The following CPNE8 variants were observed in gnomAD, a reference collection of about 807,000 sequenced individuals.
The protein encoded by CPNE8 is copine-8.
In CPNE8, 45 loss-of-function variants were observed where a neutral mutation model predicts 81.5. The ratio of observed to expected loss-of-function variants is 0.55; its 90% CI spans 0.44 to 0.71. The LOEUF is 0.71. CPNE8 is among the 30% of genes least tolerant of loss of function. The probability of loss-of-function intolerance (pLI) is 0.00; values close to 1 mark genes in which losing one functional copy is unlikely to be tolerated. For synonymous variants in CPNE8, 252 were observed against 226.3 expected (o/e 1.11, Z -1.02); for missense variants, 594 against 672.1 (o/e 0.88, Z 1.28).
chr12:38,748,160 G>C (rs1025207787), intron 10 of CPNE8, among the ~76,000 whole-genome samples: 3 of 151,946 alleles, frequency 2.0e-5, no homozygotes, highest in African/African-American at 7.3e-5. Flanking sequence ...ACAGGCATGA[G>C]CCACCACGCC....
intron 5 of CPNE8, among the ~76,000 whole-genome samples, chr12:38,836,707 GACA>G (rs1464392526): frequency 2.6e-5 from 4 of 152,160 alleles, no homozygotes; most frequent in Non-Finnish European, 4.4e-5. Flanking sequence ...TTGGCAGGTA[GACA>G]ACAACAGTCT....
chr12:38,658,628 A>AG (rs1323483574), intron 19 of CPNE8, among the ~76,000 whole-genome samples: 4 of 152,194 alleles, frequency 2.6e-5, no homozygotes, highest in African/African-American at 4.8e-5. Context: ...TGAAGGAAAA[A>AG]ATATTAAGGG....
At chr12:38,808,533 C>A (rs11169616) in intron 6 of CPNE8, among the ~76,000 whole-genome samples, 49,469 of 143,522 alleles carry the variant, frequency 0.34, 9,695 homozygotes, top group Middle Eastern at 0.46. Flanking sequence ...TATTCTCACT[C>A]ATAGTTGGGA....
At chr12:38,719,584 GAAAAAAA>G (rs34008352) in intron 13 of CPNE8, among the ~76,000 whole-genome samples, 2 of 124,192 alleles carry the variant, frequency 1.6e-5, no homozygotes, top group African/African-American at 6.2e-5. Context: ...ATTGTCTCAG[GAAAAAAA>G]AAAAAAAAAA....
chr12:38,694,878 A>G (rs937906535), intron 14 of CPNE8, among the ~76,000 whole-genome samples: 4 of 152,202 alleles, frequency 2.6e-5, no homozygotes, highest in Non-Finnish European at 5.9e-5. Context: ...AAGTAACAAA[A>G]AGCACTTGAG....
chr12:38,696,843 C>T (rs9988978), intron 14 of CPNE8, among the ~76,000 whole-genome samples: 14,938 of 152,036 alleles, frequency 0.098, 2,436 homozygotes, highest in African/African-American at 0.34. Flanking sequence ...CTCAGGAATT[C>T]GAGACCAGCC....
intron 3 of CPNE8, among the ~76,000 whole-genome samples, chr12:38,855,692 A>T (rs2137070597): frequency 6.6e-6 from 1 of 152,286 alleles, no homozygotes; most frequent in South Asian, 2.1e-4. Context: ...TGCACTGTAT[A>T]TTTCAAAATT....
chr12:38,706,734 A>G (rs826893), intron 13 of CPNE8, among the ~76,000 whole-genome samples: 66,460 of 151,918 alleles, frequency 0.44, 16,025 homozygotes, highest in Middle Eastern at 0.6. Context: ...TCTTGATTCA[A>G]CTCTCTCTTG....
intron 6 of CPNE8, among the ~76,000 whole-genome samples, chr12:38,797,796 T>G (rs1254531007): frequency 6.6e-6 from 1 of 151,926 alleles, no homozygotes; most frequent in African/African-American, 2.4e-5. Context: ...AGTTAAAAAC[T>G]TTGAAAAAAA....
At chr12:38,807,301 C>A (rs1306370676) in intron 6 of CPNE8, among the ~76,000 whole-genome samples, 15 of 147,304 alleles carry the variant, frequency 1.0e-4, no homozygotes, top group African/African-American at 3.7e-4. Context: ...CAAGTCAATC[C>A]TAAGCCAAAA....
At chr12:38,678,984 T>C (rs1179457804) in intron 16 of CPNE8, among the ~76,000 whole-genome samples, 1 of 151,930 alleles carries the variant, frequency 6.6e-6, no homozygotes, top group African/African-American at 2.4e-5. Flanking sequence ...TTAACTTTTT[T>C]TGTTTTAAAG....
chr12:38,749,970 AACCACTCCC>A (rs1941316804), intron 10 of CPNE8, among the ~76,000 whole-genome samples: 1 of 152,172 alleles, frequency 6.6e-6, no homozygotes, highest in South Asian at 2.1e-4. Context: ...TCTTCATGTC[AACCACTCCC>A]ATCAGAGGCC....
At chr12:38,878,966 CA>C in intron 1 of CPNE8, among the ~76,000 whole-genome samples, 1 of 152,182 alleles carries the variant, frequency 6.6e-6, no homozygotes, top group East Asian at 1.9e-4. Context: ...TAAAAACTGT[CA>C]AATTGATTCA....
intron 1 of CPNE8, among the ~76,000 whole-genome samples, chr12:38,900,360 T>C (rs777130794): frequency 6.6e-6 from 1 of 152,164 alleles, no homozygotes; most frequent in Non-Finnish European, 1.5e-5. Flanking sequence ...AGGAATGATA[T>C]TTTAACAGGA....
At chr12:38,732,980 A>G (rs1266504636) in intron 10 of CPNE8, among the ~76,000 whole-genome samples, 1 of 152,012 alleles carries the variant, frequency 6.6e-6, no homozygotes, top group Non-Finnish European at 1.5e-5. Flanking sequence ...AGCCTCCAAC[A>G]TAACATTTCT....
At chr12:38,713,972 T>G (rs1056142345) in intron 13 of CPNE8, among the ~76,000 whole-genome samples, 1 of 152,168 alleles carries the variant, frequency 6.6e-6, no homozygotes, top group African/African-American at 2.4e-5. Flanking sequence ...ATTTGTGATC[T>G]GTTTTCCCCC....
intron 8 of CPNE8, among the ~76,000 whole-genome samples, chr12:38,766,288 T>C (rs1407813672): frequency 6.6e-6 from 1 of 152,292 alleles, no homozygotes; most frequent in South Asian, 2.1e-4. Flanking sequence ...AGAATAAAAA[T>C]AGAAAATCCA....
intron 13 of CPNE8, among the ~76,000 whole-genome samples, chr12:38,717,441 A>G (rs1259775629): frequency 7.5e-6 from 1 of 133,670 alleles, no homozygotes; most frequent in South Asian, 2.4e-4. Context: ...ATATATATAT[A>G]TATATATATA....
intron 10 of CPNE8, among the ~76,000 whole-genome samples, chr12:38,738,763 C>T (rs1941011371): frequency 6.6e-6 from 1 of 151,304 alleles, no homozygotes; most frequent in Non-Finnish European, 1.5e-5. Context: ...TGGACTCTTA[C>T]ATCATTACTT....
Sources: gnomAD v4.1 joint callset for allele counts (sites outside exome capture counted in the v4.1 genomes callset) on GRCh38, gnomAD v4.1.1 for gene constraint, MANE v1.5 for transcripts, NCBI Gene and HGNC (gene_info 2026-07-23, HGNC 2026-07-21) for gene names.